HDAC8: variants seen among roughly 807,000 people sequenced by gnomAD.
HDAC8 encodes the protein histone deacetylase-like 1.
A neutral mutation model predicts 32.2 loss-of-function variants in HDAC8; 1 was observed. The observed-to-expected ratio is 0.03, with a 90% CI of 0.01 to 0.15. The LOEUF is 0.15. HDAC8 is among the 10% of genes least tolerant of loss of function. The pLI is 1.00. For synonymous variants in HDAC8, 108 were observed against 113.9 expected, an observed-to-expected ratio of 0.95 and a Z score of 0.33; for missense variants, 117 against 300.0, an observed-to-expected ratio of 0.39 and a Z score of 4.51.
At chrX:72,344,866 C>T (rs149061865) in intron 10 of HDAC8, among the ~76,000 whole-genome samples, 12 of 111,900 alleles carry the variant, frequency 1.1e-4, no homozygotes, top group African/African-American at 3.9e-4. Context: ...CTTGCACTAC[C>T]ATCACCATCC....
intron 4 of HDAC8, among the ~76,000 whole-genome samples, chrX:72,521,129 A>T (rs1280111766): frequency 8.9e-6 from 1 of 111,784 alleles, no homozygotes; most frequent in East Asian, 2.8e-4. Context: ...TCCTGTTCTC[A>T]AGGACCTTTC....
intron 4 of HDAC8, among the ~76,000 whole-genome samples, chrX:72,535,536 A>C (rs190963395): frequency 8.9e-6 from 1 of 111,833 alleles, no homozygotes; most frequent in East Asian, 2.8e-4. Context: ...AAAACAGGAA[A>C]ACAAAGTTCT....
At chrX:72,504,313 A>T (rs2049317767) in intron 4 of HDAC8, among the ~76,000 whole-genome samples, 2 of 112,005 alleles carry the variant, frequency 1.8e-5, no homozygotes, top group African/African-American at 6.5e-5. Context: ...ATGCTTATTA[A>T]ACATTCACTT....
At chrX:72,367,786 A>G (rs1189126537) in intron 9 of HDAC8, among the ~76,000 whole-genome samples, 1 of 112,659 alleles carries the variant, frequency 8.9e-6, no homozygotes, top group African/African-American at 3.2e-5. Flanking sequence ...TGCCTAGCCC[A>G]TGGAGTTCAG....
At chrX:72,513,743 A>G (rs1334419030) in intron 4 of HDAC8, among the ~76,000 whole-genome samples, 3 of 112,123 alleles carry the variant, frequency 2.7e-5, no homozygotes, top group African/African-American at 9.7e-5. Context: ...CAGATTATAC[A>G]TTTACAAATT....
At chrX:72,495,709 T>G (rs184329641) in intron 4 of HDAC8, among the ~76,000 whole-genome samples, 1 of 111,820 alleles carries the variant, frequency 8.9e-6, no homozygotes, top group Non-Finnish European at 1.9e-5. Context: ...TGTTAGAGAT[T>G]GGATTCTCTG....
chrX:72,569,178 A>C (rs1281700450), intron 2 of HDAC8, among the ~76,000 whole-genome samples: 1 of 112,653 alleles, frequency 8.9e-6, no homozygotes, highest in Non-Finnish European at 1.9e-5. Flanking sequence ...GGTATCAGAC[A>C]GACTTTACCC....
chrX:72,348,508 C>T (rs1307866406), intron 10 of HDAC8, among the ~76,000 whole-genome samples: 3 of 112,548 alleles, frequency 2.7e-5, no homozygotes, highest in Non-Finnish European at 5.6e-5. Context: ...GCAGGTTAGC[C>T]TGGCCATTTT....
chrX:72,572,626 G>T, intron 1 of HDAC8, 25 bp downstream of exon 1: 1 of 317,712 alleles, frequency 3.1e-6, no homozygotes, highest in Non-Finnish European at 5.0e-6. Flanking sequence ...CAAAGCCCAT[G>T]GTCTTTCATC....
chrX:72,549,544 G>C, intron 4 of HDAC8, among the ~76,000 whole-genome samples: 1 of 110,845 alleles, frequency 9.0e-6, no homozygotes, highest in Middle Eastern at 4.6e-3. Context: ...ATTAGAATCC[G>C]CATTTAAACA....
chrX:72,523,458 G>A (rs1229714762), intron 4 of HDAC8, among the ~76,000 whole-genome samples: 6 of 111,297 alleles, frequency 5.4e-5, no homozygotes, highest in African/African-American at 1.6e-4. Flanking sequence ...CCTCTCACCC[G>A]TTTCTTAAAA....
At chrX:72,521,945 A>G (rs1412526140) in intron 4 of HDAC8, among the ~76,000 whole-genome samples, 5 of 111,624 alleles carry the variant, frequency 4.5e-5, no homozygotes, top group African/African-American at 1.3e-4. Context: ...ACCCAGGTTC[A>G]TGGCTTGCCA....
intron 9 of HDAC8, among the ~76,000 whole-genome samples, chrX:72,385,727 A>T (rs1384429326): frequency 8.9e-6 from 1 of 111,840 alleles, no homozygotes; most frequent in Non-Finnish European, 1.9e-5. Context: ...ATCCCATTTA[A>T]TCCACACAAC....
chrX:72,370,400 G>A (rs1428370374), intron 9 of HDAC8, among the ~76,000 whole-genome samples: 1 of 111,574 alleles, frequency 9.0e-6, no homozygotes, highest in Non-Finnish European at 1.9e-5. Context: ...TCATTCTGTC[G>A]CTCAGGCTGG....
intron 7 of HDAC8, among the ~76,000 whole-genome samples, chrX:72,484,585 A>C (rs1204572087): frequency 8.9e-6 from 1 of 112,201 alleles, no homozygotes; most frequent in Non-Finnish European, 1.9e-5. Context: ...ATATTTAGTA[A>C]AGAAAACTTT....
chrX:72,476,687 G>T (rs1222573302), intron 7 of HDAC8, among the ~76,000 whole-genome samples: 3 of 111,766 alleles, frequency 2.7e-5, no homozygotes, highest in Non-Finnish European at 5.6e-5. Context: ...CCCTCACAGG[G>T]TTATTGTGAG....
At chrX:72,509,305 C>T (rs2049493727) in intron 4 of HDAC8, among the ~76,000 whole-genome samples, 1 of 110,689 alleles carries the variant, frequency 9.0e-6, no homozygotes, top group African/African-American at 3.3e-5. Context: ...GATGGGGTTT[C>T]ACCATGTTGG....
At chrX:72,474,576 A>G in intron 7 of HDAC8, 2 of 1,178,078 alleles carry the variant, frequency 1.7e-6, no homozygotes, top group Non-Finnish European at 2.3e-6. Context: ...CCCTATAAAC[A>G]TACAAGATAT....
At chrX:72,381,306 G>A (rs1471562080) in intron 9 of HDAC8, among the ~76,000 whole-genome samples, 4 of 111,477 alleles carry the variant, frequency 3.6e-5, no homozygotes, top group African/African-American at 1.3e-4. Flanking sequence ...ATAGATCTTG[G>A]TGGAATTGTT....
Sources: allele counts gnomAD v4.1 joint callset (sites outside exome capture counted in the v4.1 genomes callset), GRCh38; gene constraint gnomAD v4.1.1; transcripts MANE v1.5; gene names NCBI Gene and HGNC (gene_info 2026-07-23, HGNC 2026-07-21).